Variants in CDKAL1 observed in about 807,000 individuals in gnomAD.
CDKAL1 encodes the protein CDKAL1 threonylcarbamoyladenosine tRNA methylthiotransferase, also known as threonylcarbamoyladenosine tRNA methylthiotransferase.
CDKAL1 carries 32 observed loss-of-function variants against 68.2 expected under a neutral mutation model. The ratio of observed to expected loss-of-function variants is 0.47; its 90% CI spans 0.35 to 0.63. The LOEUF is 0.63. Ranked by LOEUF, CDKAL1 falls within the 30% of genes least tolerant of loss-of-function variation. The pLI is 0.00. For missense variants in CDKAL1, 606 were observed against 696.7 expected (o/e 0.87, Z 1.47); for synonymous variants, 234 against 244.3 (o/e 0.96, Z 0.39).
chr6:20,732,263 C>CTTTTTTTTTTTTTTTTTTTTTTTTTTT (rs56911987), intron 5 of CDKAL1, among the ~76,000 whole-genome samples: 41 of 83,484 alleles, frequency 4.9e-4, no homozygotes, highest in Admixed American at 6.1e-4. Flanking sequence ...TTCTTTCTTT[C>CTTTTTTTTTTTTTTTTTTTTTTTTTTT]TTTTTTTTTT....
At chr6:21,152,923 C>T (rs536910488) in intron 13 of CDKAL1, among the ~76,000 whole-genome samples, 45 of 152,248 alleles carry the variant, frequency 3.0e-4, no homozygotes, top group African/African-American at 9.1e-4. Context: ...TATTTCCATT[C>T]GACTCTTAGA....
At position 21,005,710 on chromosome 6, in the gene CDKAL1, G is replaced by A. The variant is rs60254937; in HGVS notation, c.1055+5338G>A. 7.3e-3 allele frequency among the ~76,000 whole-genome samples: 1,113 copies of A among 152,226 alleles called. 17 individuals carry two copies. Among genetic ancestry groups the A allele is most frequent in the African/African-American group, 0.025 (1,039 of 41,512 alleles). ...AGAATTTGCCATTATCATTTCTTAA[G>A]GTACTGTGCACTTCAGGGTTAATTT... On this transcript the variant is annotated intron_variant, in intron 11 of 15. Transcript: ENST00000274695.
chr6:20,793,178 G>GC (rs1424340156), intron 8 of CDKAL1, among the ~76,000 whole-genome samples: 1 of 149,628 alleles, frequency 6.7e-6, no homozygotes, highest in African/African-American at 2.5e-5. Flanking sequence ...TAAAATTAAC[G>GC]CCCCTAATTT....
In CDKAL1 at chr6:21,227,418, A is replaced by G. The variant is rs1582455242; in HGVS notation, c.1549-3430A>G. ...GCTACTGATTATTAATTACTCTGTC[A>G]TCTGAGAAACTTTAAAAATATTATG... On this transcript the variant is annotated intron_variant, in intron 15 of 15. Transcript: ENST00000274695. Among the ~76,000 whole-genome samples, 4 of 152,252 alleles carry G rather than the reference A, an allele frequency of 2.6e-5. No homozygotes were observed. In the East Asian group the frequency reaches 7.7e-4, roughly 29 times the overall value.
At chr6:20,941,096 G>GAA (rs68174523) in intron 9 of CDKAL1, among the ~76,000 whole-genome samples, 1,339 of 113,582 alleles carry the variant, frequency 0.012, 25 homozygotes, top group African/African-American at 0.039. Flanking sequence ...ATCTCAAAAA[G>GAA]AAAAAAAAAA....
Position 21,131,573 on chromosome 6 carries a change from T to A in CDKAL1, c.1299+23110T>A, listed in dbSNP as rs966211930. On this transcript the variant is annotated intron_variant, in intron 13 of 15. Transcript: ENST00000274695. ...AAAGCAATTTGATGCAAACTACCCA[T>A]TATCCAAGTTTTGGTAGCAGTGAAA... is the stretch of plus-strand genomic sequence containing the variant. Among the ~76,000 whole-genome samples the A allele has an allele frequency of 5.3e-5, 8 of 152,332 alleles. No individual in the cohort carries two copies. The East Asian group carries it at 1.5e-3, about 29-fold the overall frequency.
At position 20,725,024 on chromosome 6, in the gene CDKAL1, G is replaced by A. The variant is rs1351660204; in HGVS notation, c.372-14495G>A. 2.0e-5 allele frequency among the ~76,000 whole-genome samples: 3 copies of A among 152,140 alleles called. No homozygotes were observed. In the East Asian group the frequency reaches 5.8e-4, roughly 29 times the overall value. On this transcript the variant is annotated intron_variant, in intron 5 of 15. Transcript: ENST00000274695. ...TAAAGTGCAATGAGATTTGCAAATTGGATGGTGAATTCACTAAATGTAACA... is the reference window on the plus strand; with the variant it reads ...TAAAGTGCAATGAGATTTGCAAATTAGATGGTGAATTCACTAAATGTAACA...
At chr6:20,807,647 A>T (rs190529004) in intron 8 of CDKAL1, among the ~76,000 whole-genome samples, 32 of 104,872 alleles carry the variant, frequency 3.1e-4, no homozygotes, top group African/African-American at 1.0e-3. Context: ...AAATTAATCC[A>T]AAATTAAAAG....
At chr6:20,864,499 TCTA>T (rs1399203234) in intron 9 of CDKAL1, among the ~76,000 whole-genome samples, 3 of 152,188 alleles carry the variant, frequency 2.0e-5, no homozygotes, top group African/African-American at 7.2e-5. Context: ...TTTTACATAT[TCTA>T]CTATGAATTC....
At chr6:21,011,107 G>C (rs1040457385) in intron 11 of CDKAL1, among the ~76,000 whole-genome samples, 1 of 145,464 alleles carries the variant, frequency 6.9e-6, no homozygotes, top group African/African-American at 2.6e-5. Context: ...AGCCAGGCAC[G>C]GTGGCTTACA....
intron 14 of CDKAL1, among the ~76,000 whole-genome samples, chr6:21,200,401 A>C (rs1165408192): frequency 6.6e-6 from 1 of 152,180 alleles, no homozygotes; most frequent in African/African-American, 2.4e-5. Context: ...TGTTAGTTTC[A>C]GGAGTCATTT....
chr6:21,104,723 T>C (rs1773762434), intron 12 of CDKAL1, among the ~76,000 whole-genome samples: 1 of 152,210 alleles, frequency 6.6e-6, no homozygotes, highest in Admixed American at 6.5e-5. Context: ...ATAAATTTGT[T>C]GTCAGAAAAG....
intron 10 of CDKAL1, among the ~76,000 whole-genome samples, chr6:20,999,234 C>CTTTTTCTT: frequency 6.6e-6 from 1 of 152,166 alleles, no homozygotes. Flanking sequence ...TTTCACTTTT[C>CTTTTTCTT]TTTTTCTTTT....
chr6:21,107,060 G>A (rs1283740489), intron 12 of CDKAL1, among the ~76,000 whole-genome samples: 1 of 149,422 alleles, frequency 6.7e-6, no homozygotes, highest in Non-Finnish European at 1.5e-5. Flanking sequence ...CCATTCTCCT[G>A]CCTCAGCCTC....
At chr6:21,031,307 A>G (rs1414842864) in intron 11 of CDKAL1, among the ~76,000 whole-genome samples, 2 of 151,314 alleles carry the variant, frequency 1.3e-5, no homozygotes, top group African/African-American at 4.9e-5. Flanking sequence ...CCACCAGAGC[A>G]TGTCTCTCTG....
chr6:21,016,169 G>T (rs1768319826), intron 11 of CDKAL1, among the ~76,000 whole-genome samples: 3 of 143,912 alleles, frequency 2.1e-5, no homozygotes, highest in Non-Finnish European at 4.6e-5. Context: ...TATATATATA[G>T]ACCTCATTTA....
At chr6:21,076,312 C>T (rs1276610537) in intron 12 of CDKAL1, among the ~76,000 whole-genome samples, 1 of 152,174 alleles carries the variant, frequency 6.6e-6, no homozygotes, top group Non-Finnish European at 1.5e-5. Context: ...CAATGACATA[C>T]AGTGACTCTC....
At chr6:20,724,068 G>A (rs1406774408) in intron 5 of CDKAL1, among the ~76,000 whole-genome samples, 3 of 152,136 alleles carry the variant, frequency 2.0e-5, no homozygotes, top group Non-Finnish European at 4.4e-5. Context: ...GAGTAGCTGG[G>A]AGTACAAGCA....
At chr6:20,563,156 G>C (rs577934675) in intron 4 of CDKAL1, among the ~76,000 whole-genome samples, 2 of 152,322 alleles carry the variant, frequency 1.3e-5, no homozygotes, top group Admixed American at 6.5e-5. Flanking sequence ...AATGATTGCA[G>C]TTTGAGTAAA....
Sources: gnomAD v4.1 joint callset for allele counts (sites outside exome capture counted in the v4.1 genomes callset) on GRCh38, gnomAD v4.1.1 for gene constraint, MANE v1.5 for transcripts, NCBI Gene and HGNC (gene_info 2026-07-23, HGNC 2026-07-21) for gene names.